Variants in DCX observed in about 807,000 individuals in gnomAD.
DCX encodes doublecortin, also known as neuronal migration protein doublecortin.
Under a neutral mutation model 20.9 loss-of-function variants are expected in DCX, and 4 were observed. The observed-to-expected ratio is 0.19, with a 90% CI of 0.09 to 0.44. DCX has a LOEUF of 0.44. Among genes scored for constraint, DCX ranks in the 20% least tolerant of loss-of-function variants. The probability of loss-of-function intolerance (pLI) is 0.99; values close to 1 mark genes in which losing one functional copy is unlikely to be tolerated. For synonymous variants in DCX, 103 were observed against 111.4 expected, an observed-to-expected ratio of 0.92 and a Z score of 0.47; for missense variants, 133 against 296.9, an observed-to-expected ratio of 0.45 and a Z score of 4.06.
chrX:111,367,429 G>A (rs1277235501), intron 3 of DCX, among the ~76,000 whole-genome samples: 1 of 112,004 alleles, frequency 8.9e-6, no homozygotes, highest in Admixed American at 9.5e-5. Context: ...TCTGAAGACT[G>A]AGATGAGTTC....
In DCX at chrX:111,405,011, C is replaced by G. The variant is rs933569672; in HGVS notation, c.365-3681G>C. ...AGGGAAAGCTGGCTTCACAGCCAAG[C>G]AGGGTGCAAATTCGCTGGAACTAAA... On this transcript the variant is annotated intron_variant, in intron 2 of 6. Transcript: ENST00000636035. Among the ~76,000 whole-genome samples the G allele has an allele frequency of 2.7e-5, 3 of 112,061 alleles. No homozygotes were observed. In the South Asian group the frequency reaches 1.1e-3, roughly 42 times the overall value.
At chrX:111,365,288 ATTAAT>A (rs1924528925) in intron 3 of DCX, among the ~76,000 whole-genome samples, 1 of 109,633 alleles carries the variant, frequency 9.1e-6, no homozygotes, top group South Asian at 3.9e-4. Flanking sequence ...GTAATTAAAA[ATTAAT>A]TTAAAATTAT....
At chrX:111,349,306 C>A (rs1305236394) in intron 3 of DCX, among the ~76,000 whole-genome samples, 1 of 111,444 alleles carries the variant, frequency 9.0e-6, no homozygotes. Flanking sequence ...ATCCCAGAGG[C>A]TTAACTGTAC....
intron 3 of DCX, among the ~76,000 whole-genome samples, chrX:111,392,462 T>TA (rs1927023487): frequency 9.0e-6 from 1 of 111,184 alleles, no homozygotes; most frequent in Non-Finnish European, 1.9e-5. Flanking sequence ...TATTCAGCCA[T>TA]AAAAAAGAAC....
intron 5 of DCX, among the ~76,000 whole-genome samples, chrX:111,322,756 TG>T (rs1374796137): frequency 6.2e-5 from 7 of 112,532 alleles, no homozygotes; most frequent in Admixed American, 2.8e-4. Flanking sequence ...ACTGAGAGCC[TG>T]GGAATAGTTC....
rs1294526622 is a variant in DCX at position 111,300,713 on chromosome X, A to G, written c.*974T>C. Reference sequence around the variant, plus strand: ...AAGGAGCCTGAAGAGTTTGCTCCTGAAATACAGACATGAATTTTTATAAAA... The same window carrying G: ...AAGGAGCCTGAAGAGTTTGCTCCTGGAATACAGACATGAATTTTTATAAAA... On this transcript the variant is annotated 3_prime_UTR_variant, in exon 7 of 7. Transcript: ENST00000636035. 9.0e-6 allele frequency: 1 copy of G among 110,855 alleles called. No individual in the cohort carries two copies. The highest frequency in any genetic ancestry group is 3.3e-5 in the African/African-American group (1 of 30,403). 9.1% of individuals were successfully genotyped at this position (110,855 alleles called of 1,213,427 possible).
At chrX:111,313,704 G>A (rs761472430) in intron 5 of DCX, among the ~76,000 whole-genome samples, 2 of 111,471 alleles carry the variant, frequency 1.8e-5, no homozygotes, top group Non-Finnish European at 3.8e-5. Flanking sequence ...CATGAAGAAA[G>A]AAAAGTGGAA....
rs2095033715 is a variant in DCX at position 111,301,450 on chromosome X, G to GC, written c.*236dup. On this transcript the variant is annotated 3_prime_UTR_variant, in exon 7 of 7. Coordinates refer to ENST00000636035, the MANE Select transcript of DCX (RefSeq NM_001195553.2). ...GCACATTTTGCATCCCTGGAATGCT[G>GC]CCCCAAAGGATGGTTATCAATCTAT... The GC allele has an allele frequency of 2.3e-6, 1 of 436,764 alleles. No individual in the cohort carries two copies. Among genetic ancestry groups the GC allele is most frequent in the South Asian group, 3.4e-5 (1 of 29,498 alleles). The allele number at this position is 436,764 out of a possible 1,213,427, so 36.0% of individuals were successfully genotyped here.
At chrX:111,340,801 G>C (rs1922156200) in intron 3 of DCX, among the ~76,000 whole-genome samples, 1 of 111,098 alleles carries the variant, frequency 9.0e-6, no homozygotes, top group Non-Finnish European at 1.9e-5. Context: ...CCTGACCATT[G>C]AAAGAAAAAC....
At chrX:111,410,695 A>G in intron 1 of DCX, 2 of 1,115,833 alleles carry the variant, frequency 1.8e-6, no homozygotes, top group Non-Finnish European at 1.2e-6. Context: ...CACTCTTGGC[A>G]CTGTTCCAGA....
At chrX:111,302,602 C>T (rs1451979822) in intron 6 of DCX, among the ~76,000 whole-genome samples, 2 of 112,171 alleles carry the variant, frequency 1.8e-5, no homozygotes, top group African/African-American at 6.5e-5. Flanking sequence ...GGTTTCTCCA[C>T]ATTCTCTCCA....
chrX:111,392,358 T>C (rs1410950098), intron 3 of DCX, among the ~76,000 whole-genome samples: 1 of 111,215 alleles, frequency 9.0e-6, no homozygotes, highest in Non-Finnish European at 1.9e-5. Flanking sequence ...ATGTTTATAA[T>C]AGCATTATTA....
chrX:111,409,680 C>T (rs1281372580), intron 2 of DCX, among the ~76,000 whole-genome samples: 1 of 111,987 alleles, frequency 8.9e-6, no homozygotes, highest in African/African-American at 3.2e-5. Flanking sequence ...TTAACCCAAC[C>T]AAATGTCCTT....
At chrX:111,394,734 C>G (rs1465909845) in intron 3 of DCX, among the ~76,000 whole-genome samples, 2 of 111,638 alleles carry the variant, frequency 1.8e-5, no homozygotes, top group Admixed American at 9.5e-5. Context: ...GCTAACCACC[C>G]CCATTAGTAA....
intron 3 of DCX, among the ~76,000 whole-genome samples, chrX:111,376,882 A>T (rs1925576564): frequency 8.9e-6 from 1 of 112,345 alleles, no homozygotes; most frequent in South Asian, 3.7e-4. Context: ...TAGGGTTGCC[A>T]GATTTACCAA....
At chrX:111,378,199 G>A (rs183852195) in intron 3 of DCX, among the ~76,000 whole-genome samples, 1 of 111,706 alleles carries the variant, frequency 9.0e-6, no homozygotes, top group Non-Finnish European at 1.9e-5. Flanking sequence ...TCTGGGGAGC[G>A]GCCAACCATC....
chrX:111,409,972 G>T, intron 2 of DCX, 63 bp downstream of exon 2: 2 of 1,199,086 alleles, frequency 1.7e-6, no homozygotes, highest in Non-Finnish European at 2.3e-6. Flanking sequence ...AGCAACCGAA[G>T]AATGTAACCA....
intron 5 of DCX, among the ~76,000 whole-genome samples, chrX:111,315,930 G>A (rs1355980124): frequency 2.4e-5 from 1 of 42,352 alleles, no homozygotes; most frequent in Non-Finnish European, 4.0e-5. Flanking sequence ...GGACTGTGGT[G>A]GGGTCGGGGG....
rs183872391 is a variant in DCX, at chrX:111,330,290, G to C, written c.946+614C>G. Among the ~76,000 whole-genome samples, 408 of 112,326 alleles carry C rather than the reference G, an allele frequency of 3.6e-3. 3 individuals are homozygous for C. The highest frequency in any genetic ancestry group is 0.013 in the African/African-American group (387 of 30,959). On this transcript the variant is annotated intron_variant, in intron 5 of 6. Transcript: ENST00000636035. ...CATGGGTTGGCAGTGATCAATAGAC[G>C]ACATGTTTTAGATAACTCACTATCC...
Sources: allele counts gnomAD v4.1 joint callset (sites outside exome capture counted in the v4.1 genomes callset), GRCh38; gene constraint gnomAD v4.1.1; transcripts MANE v1.5; gene names NCBI Gene and HGNC (gene_info 2026-07-23, HGNC 2026-07-21).